The following GLIS3 variants were observed in gnomAD, a reference collection of about 807,000 sequenced individuals.
GLIS3 encodes the protein zinc finger protein GLIS3.
GLIS3 carries 53 observed loss-of-function variants against 78.6 expected under a neutral mutation model. The ratio of observed to expected loss-of-function variants is 0.67; its 90% CI spans 0.54 to 0.85. GLIS3 has a LOEUF of 0.85. Among genes scored for constraint, GLIS3 ranks in the 40% least tolerant of loss-of-function variants. GLIS3 has a pLI of 0.00. For missense variants in GLIS3, 1,703 were observed against 1,231.1 expected (o/e 1.38, Z -5.74); for synonymous variants, 684 against 509.9 (o/e 1.34, Z -4.60).
At chr9:3,932,610 T>C in intron 5 of GLIS3, 140 bp from the exon 6 acceptor site, 1 of 687,414 alleles carries the variant, frequency 1.5e-6, no homozygotes, top group Admixed American at 2.2e-5. Flanking sequence ...TACTCATGCA[T>C]TTTAATTACA....
chr9:4,193,674 T>C (rs1818535505), intron 2 of GLIS3, among the ~76,000 whole-genome samples: 1 of 152,194 alleles, frequency 6.6e-6, no homozygotes, highest in Non-Finnish European at 1.5e-5. Context: ...TTTGAATAAC[T>C]AGGGAAGATG....
At position 4,006,775 on chromosome 9, in the gene GLIS3, T is replaced by C. The variant is rs374670330; in HGVS notation, c.1711-69586A>G. Among the ~76,000 whole-genome samples, 31 of 152,328 alleles carry C rather than the reference T, an allele frequency of 2.0e-4. No individual in the cohort carries two copies. The East Asian group carries it at 4.0e-3, about 20-fold the overall frequency. On this transcript the variant is annotated intron_variant, in intron 4 of 10. Coordinates refer to ENST00000381971, the MANE Select transcript of GLIS3 (RefSeq NM_001042413.2). ...CCCTGCTCTTTCTTCTAAAGACCAA[T>C]ATGTACAGCTAAGAGTTTATTATTA... is the stretch of plus-strand genomic sequence containing the variant.
chr9:3,928,675 A>G (rs1014922968), intron 6 of GLIS3, among the ~76,000 whole-genome samples: 1 of 152,216 alleles, frequency 6.6e-6, no homozygotes. Context: ...GCTGTTCTCT[A>G]CGTAGGACAT....
rs76673450 is a variant in GLIS3 at position 4,329,922 on chromosome 9, G to A, written n.264+17159C>T. Reference sequence around the variant, plus strand: ...TGGGGACACAGATGAATAAATGAATGCAGCATGATATTATATTTATTTTAG... The same window carrying A: ...TGGGGACACAGATGAATAAATGAATACAGCATGATATTATATTTATTTTAG... On this transcript the variant is annotated intron_variant and non_coding_transcript_variant, in intron 2 of 4. Coordinates refer to the GLIS3 transcript ENST00000471664. Among the ~76,000 whole-genome samples, 1,161 of 152,252 alleles carry A rather than the reference G, an allele frequency of 7.6e-3. 20 individuals are homozygous for A. The highest frequency in any genetic ancestry group is 0.027 in the African/African-American group (1,119 of 41,542).
the GLIS3 span, among the ~76,000 whole-genome samples, chr9:4,484,207 C>A: frequency 6.6e-6 from 1 of 151,832 alleles, no homozygotes; most frequent in South Asian, 2.1e-4. Flanking sequence ...TTGTTCATTC[C>A]TGGGCATAAG....
intron 2 of GLIS3, among the ~76,000 whole-genome samples, chr9:4,283,326 C>T (rs866204211): frequency 1.3e-5 from 2 of 150,842 alleles, no homozygotes; most frequent in Admixed American, 6.6e-5. Flanking sequence ...AGTGCAATGG[C>T]GCAATCTCTG....
intron 2 of GLIS3, among the ~76,000 whole-genome samples, chr9:4,143,787 C>T (rs4741894): frequency 0.95 from 145,375 of 152,276 alleles, 69,430 homozygotes; most frequent in East Asian, 1. Context: ...TGAGTTCCAG[C>T]ATTTTGGATT....
the GLIS3 span, among the ~76,000 whole-genome samples, chr9:4,411,919 A>G: frequency 6.6e-6 from 1 of 152,260 alleles, no homozygotes; most frequent in African/African-American, 2.4e-5. Flanking sequence ...TGGCTCATGT[A>G]TGGTCCTAAC....
At chr9:4,211,785 T>A (rs1380017798) in intron 2 of GLIS3, among the ~76,000 whole-genome samples, 2 of 152,214 alleles carry the variant, frequency 1.3e-5, no homozygotes, top group Non-Finnish European at 2.9e-5. Context: ...CACCAACTGA[T>A]GAATGGAGAA....
intron 5 of GLIS3, among the ~76,000 whole-genome samples, chr9:3,935,670 T>A (rs917048278): frequency 1.3e-5 from 2 of 152,214 alleles, no homozygotes; most frequent in African/African-American, 4.8e-5. Flanking sequence ...TTATTGGATC[T>A]CACCAAGACC....
the GLIS3 span, among the ~76,000 whole-genome samples, chr9:4,396,645 T>C: frequency 6.6e-6 from 1 of 152,240 alleles, no homozygotes; most frequent in Non-Finnish European, 1.5e-5. Context: ...TAACCATTTT[T>C]ATATCACCAT....
At chr9:4,080,767 T>G (rs1171611592) in intron 4 of GLIS3, among the ~76,000 whole-genome samples, 1 of 152,158 alleles carries the variant, frequency 6.6e-6, no homozygotes, top group South Asian at 2.1e-4. Context: ...GGCATTAAAA[T>G]ACATTACAAA....
chr9:4,087,282 A>G (rs939280060), intron 4 of GLIS3, among the ~76,000 whole-genome samples: 3 of 152,182 alleles, frequency 2.0e-5, no homozygotes, highest in African/African-American at 7.2e-5. Flanking sequence ...ATGGATAAAC[A>G]TTTATTATTC....
At chr9:4,385,318 C>T in the GLIS3 span, among the ~76,000 whole-genome samples, 1 of 152,142 alleles carries the variant, frequency 6.6e-6, no homozygotes. Context: ...ATTTTCCAAG[C>T]AATATAGATG....
chr9:4,244,953 A>C (rs1823662518), intron 2 of GLIS3, among the ~76,000 whole-genome samples: 2 of 152,204 alleles, frequency 1.3e-5, no homozygotes, highest in Non-Finnish European at 2.9e-5. Context: ...ATTCTACGTT[A>C]AAGAATACTT....
Position 4,098,226 on chromosome 9 carries a change from T to C in GLIS3, c.1710+19542A>G, listed in dbSNP as rs551630373. 6.6e-5 allele frequency among the ~76,000 whole-genome samples: 10 copies of C among 152,316 alleles called. 1 individual carries two copies. The highest frequency in any genetic ancestry group is 2.2e-4 in the African/African-American group (9 of 41,564). Reference sequence around the variant, plus strand: ...TCTTACTTAAATGCTAGTTCCCTTTTGCAATCTGAGTAATGACTGCCTTTA... The same window carrying C: ...TCTTACTTAAATGCTAGTTCCCTTTCGCAATCTGAGTAATGACTGCCTTTA... On this transcript the variant is annotated intron_variant, in intron 4 of 10. Coordinates refer to ENST00000381971, the MANE Select transcript of GLIS3 (RefSeq NM_001042413.2).
chr9:3,902,248 T>G (rs1262208433), intron 6 of GLIS3, among the ~76,000 whole-genome samples: 2 of 152,182 alleles, frequency 1.3e-5, no homozygotes, highest in African/African-American at 2.4e-5. Flanking sequence ...AAGTAAAATT[T>G]CCAAAGGAGA....
At chr9:4,006,619 A>AGAGCACTGCAT (rs1459617079) in intron 4 of GLIS3, among the ~76,000 whole-genome samples, 4 of 152,188 alleles carry the variant, frequency 2.6e-5, no homozygotes, top group Admixed American at 2.6e-4. Flanking sequence ...TCTTATGAAC[A>AGAGCACTGCAT]GAGCACTGTC....
the GLIS3 span, among the ~76,000 whole-genome samples, chr9:4,414,449 C>T: frequency 2.0e-5 from 3 of 152,174 alleles, no homozygotes; most frequent in Non-Finnish European, 2.9e-5. Context: ...CCTCCTTACA[C>T]CTCGGTTGAA....
Sources: allele counts gnomAD v4.1 joint callset (sites outside exome capture counted in the v4.1 genomes callset), GRCh38; gene constraint gnomAD v4.1.1; transcripts MANE v1.5; gene names NCBI Gene and HGNC (gene_info 2026-07-23, HGNC 2026-07-21).